The following DNM3 variants were observed in gnomAD, a reference collection of about 807,000 sequenced individuals.
DNM3 encodes the protein dynamin-3.
In DNM3, 47 loss-of-function variants were observed where a neutral mutation model predicts 101.6. The observed-to-expected ratio is 0.46, with a 90% confidence interval of 0.37 to 0.59. The LOEUF (loss-of-function observed/expected upper bound fraction) is 0.59. Ranked by LOEUF, DNM3 falls within the 20% of genes least tolerant of loss-of-function variation. The probability of loss-of-function intolerance (pLI) is 0.00; values close to 1 mark genes in which losing one functional copy is unlikely to be tolerated. For missense variants in DNM3, 849 were observed against 1,085.7 expected (o/e 0.78, Z 3.06); for synonymous variants, 385 against 387.9 (o/e 0.99, Z 0.09).
At chr1:172,073,234 T>C (rs1157489920) in intron 11 of DNM3, among the ~76,000 whole-genome samples, 1 of 151,848 alleles carries the variant, frequency 6.6e-6, no homozygotes, top group African/African-American at 2.4e-5. Context: ...TATATGTGTG[T>C]ATTTACATGT....
At chr1:171,854,505 TC>T (rs202199519) in intron 1 of DNM3, among the ~76,000 whole-genome samples, 1 of 152,024 alleles carries the variant, frequency 6.6e-6, no homozygotes. Context: ...TTCCTTTTTT[TC>T]TGAGACAAAG....
At chr1:172,317,998 G>A (rs1276062903) in intron 16 of DNM3, among the ~76,000 whole-genome samples, 2 of 152,104 alleles carry the variant, frequency 1.3e-5, no homozygotes, top group Non-Finnish European at 2.9e-5. Flanking sequence ...ATAAAATACT[G>A]GCAAACTGAA....
In DNM3 at chr1:172,410,161, T is replaced by C; in HGVS notation, c.*2320T>C. Reference sequence around the variant, plus strand: ...CAGTGACATTGGAGAATATTTTTAATTTGCTGCAGTACTATGTCATATTAT... The same window carrying C: ...CAGTGACATTGGAGAATATTTTTAACTTGCTGCAGTACTATGTCATATTAT... On this transcript the variant is annotated 3_prime_UTR_variant, in exon 21 of 21. Coordinates refer to ENST00000627582, the MANE Select transcript of DNM3 (RefSeq NM_015569.5). The C allele has an allele frequency of 1.0e-6, 1 of 985,370 alleles. No homozygotes were observed. Among genetic ancestry groups the C allele is most frequent in the Non-Finnish European group, 1.2e-6 (1 of 829,860 alleles). The allele number at this position is 985,370 out of a possible 1,614,324, so 61.0% of individuals were successfully genotyped here.
In DNM3 at chr1:172,006,230, C is replaced by A. The variant is rs115282914; in HGVS notation, c.589+17082C>A. Among the ~76,000 whole-genome samples the A allele has an allele frequency of 1.7e-3, 259 of 152,134 alleles. 2 individuals are homozygous for A. The highest frequency in any genetic ancestry group is 5.5e-3 in the African/African-American group (227 of 41,524). On this transcript the variant is annotated intron_variant, in intron 4 of 20. Coordinates refer to ENST00000627582, the MANE Select transcript of DNM3 (RefSeq NM_015569.5). Reference sequence around the variant, plus strand: ...GTGAGGGAGGTTTCTTGATTAAATCCTAATTGTGCTTTCTAGGAGGAACGC... The same window carrying A: ...GTGAGGGAGGTTTCTTGATTAAATCATAATTGTGCTTTCTAGGAGGAACGC...
intron 13 of DNM3, among the ~76,000 whole-genome samples, chr1:172,117,268 G>A (rs1436176111): frequency 6.6e-6 from 1 of 151,910 alleles, no homozygotes; most frequent in Non-Finnish European, 1.5e-5. Context: ...TACCAGAATG[G>A]CGGCATTTTT....
chr1:172,176,914 G>A (rs1234319064), intron 14 of DNM3, among the ~76,000 whole-genome samples: 1 of 151,634 alleles, frequency 6.6e-6, no homozygotes, highest in Non-Finnish European at 1.5e-5. Flanking sequence ...AAAAATAGAT[G>A]TAGTAAATTT....
At chr1:171,929,621 C>T (rs937642192) in intron 2 of DNM3, among the ~76,000 whole-genome samples, 2 of 151,162 alleles carry the variant, frequency 1.3e-5, no homozygotes, top group African/African-American at 4.9e-5. Context: ...CACCCCTAGT[C>T]AGCTTGGATT....
intron 2 of DNM3, among the ~76,000 whole-genome samples, chr1:171,944,118 A>G (rs552415021): frequency 1.3e-5 from 2 of 152,196 alleles, no homozygotes; most frequent in Non-Finnish European, 2.9e-5. Context: ...AGCCACAGAC[A>G]ATATATAAAT....
chr1:172,348,178 G>A (rs1485018772), intron 17 of DNM3, among the ~76,000 whole-genome samples: 2 of 152,070 alleles, frequency 1.3e-5, no homozygotes, highest in African/African-American at 2.4e-5. Context: ...CATGAACCAA[G>A]GATTATAGTT....
chr1:171,992,773 C>T (rs2045724043), intron 4 of DNM3, among the ~76,000 whole-genome samples: 1 of 151,788 alleles, frequency 6.6e-6, no homozygotes, highest in African/African-American at 2.4e-5. Context: ...TGTGTATGTC[C>T]TATGTCTTTT....
intron 16 of DNM3, among the ~76,000 whole-genome samples, chr1:172,314,259 A>G (rs920174560): frequency 2.0e-5 from 3 of 152,244 alleles, no homozygotes; most frequent in Non-Finnish European, 2.9e-5. Context: ...GGGAGGAGCC[A>G]AGATGGCCGA....
At chr1:171,843,514 TG>T (rs773861110) in intron 1 of DNM3, among the ~76,000 whole-genome samples, 7 of 152,246 alleles carry the variant, frequency 4.6e-5, no homozygotes, top group Non-Finnish European at 5.9e-5. Flanking sequence ...TAACTATTTT[TG>T]TTTTTTAAAC....
At chr1:172,076,684 G>T (rs144831712) in intron 11 of DNM3, among the ~76,000 whole-genome samples, 5,647 of 152,196 alleles carry the variant, frequency 0.037, 248 homozygotes, top group East Asian at 0.14. Context: ...TCATGGTGGA[G>T]AAGCTTTTTG....
At chr1:171,901,909 A>C (rs1188552450) in intron 1 of DNM3, among the ~76,000 whole-genome samples, 2 of 152,244 alleles carry the variant, frequency 1.3e-5, no homozygotes, top group Admixed American at 6.5e-5. Context: ...TGCTTCTTAC[A>C]TAAATTGATG....
chr1:171,869,208 A>G (rs1021733619), intron 1 of DNM3, among the ~76,000 whole-genome samples: 7 of 152,052 alleles, frequency 4.6e-5, no homozygotes, highest in African/African-American at 1.7e-4. Context: ...ATGCTTTTGG[A>G]TACAAATAAT....
intron 8 of DNM3, among the ~76,000 whole-genome samples, chr1:172,042,446 T>C (rs2049454227): frequency 1.3e-5 from 2 of 152,198 alleles, no homozygotes; most frequent in Non-Finnish European, 2.9e-5. Context: ...GTGCCAGTGA[T>C]TAAGACAGAG....
chr1:172,208,178 A>G (rs1047959780), intron 14 of DNM3, among the ~76,000 whole-genome samples: 1 of 152,118 alleles, frequency 6.6e-6, no homozygotes, highest in African/African-American at 2.4e-5. Context: ...TTTAGAAGAG[A>G]GGAGACCACA....
intron 4 of DNM3, among the ~76,000 whole-genome samples, chr1:172,008,918 T>C (rs1395956789): frequency 7.2e-6 from 1 of 138,566 alleles, no homozygotes; most frequent in Non-Finnish European, 1.5e-5. Context: ...TCATATTAAA[T>C]ATTATATTAA....
rs532476877 is a variant in DNM3 at position 172,136,514 on chromosome 1, C to T, written c.1659+5226C>T. ...AAAACTTAGATATTTTCACAAAAGT[C>T]CCAGTAAATATTGAACTCTAATCCA... On this transcript the variant is annotated intron_variant, in intron 14 of 20. Transcript: ENST00000627582. The T allele has an allele frequency of 3.3e-5, 5 of 152,236 alleles. No individual in the cohort carries two copies. The South Asian group carries it at 1.0e-3, about 32-fold the overall frequency. The allele number at this position is 152,236 out of a possible 1,614,324, so 9.4% of individuals were successfully genotyped here.
Sources: allele counts gnomAD v4.1 joint callset (sites outside exome capture counted in the v4.1 genomes callset), GRCh38; gene constraint gnomAD v4.1.1; transcripts MANE v1.5; gene names NCBI Gene and HGNC (gene_info 2026-07-23, HGNC 2026-07-21).